Variants in OSBPL2 observed in about 807,000 individuals in gnomAD.
The protein encoded by OSBPL2 is oxysterol binding protein like 2, also known as oxysterol-binding protein-related protein 2.
OSBPL2 carries 18 observed loss-of-function variants against 58.4 expected under a neutral mutation model. The ratio of observed to expected loss-of-function variants is 0.31; its 90% CI spans 0.21 to 0.46. The LOEUF (loss-of-function observed/expected upper bound fraction) is 0.46, where lower values mean the gene tolerates loss of function less well. OSBPL2 is among the 20% of genes least tolerant of loss of function. The probability of loss-of-function intolerance (pLI) is 1.00; values close to 1 mark genes in which losing one functional copy is unlikely to be tolerated. For missense variants in OSBPL2, 461 were observed against 616.5 expected (o/e 0.75, Z 2.67); for synonymous variants, 221 against 234.1 (o/e 0.94, Z 0.51).
intron 6 of OSBPL2, among the ~76,000 whole-genome samples, chr20:62,276,833 T>A (rs553897519): frequency 1.3e-5 from 2 of 152,360 alleles, no homozygotes; most frequent in Admixed American, 6.5e-5. Context: ...TTTCTAGATA[T>A]TTCTCTTGAG....
chr20:62,257,468 C>T lies in OSBPL2; in HGVS notation c.37+1247C>T, dbSNP rs188895378. Among the ~76,000 whole-genome samples the T allele has an allele frequency of 8.6e-4, 131 of 152,320 alleles. 1 individual carries two copies. The highest frequency in any genetic ancestry group is 1.8e-3 in the Admixed American group (28 of 15,302). The stretch of plus-strand genomic sequence containing the variant: ...TGAATTATCTGCAGCGTGTTTGCCT[C>T]GGATGCACTCTCAGAGGAGGGTCCA... On this transcript the variant is annotated intron_variant, in intron 2 of 13. Transcript: ENST00000313733.
intron 5 of OSBPL2, among the ~76,000 whole-genome samples, chr20:62,272,900 AAAT>A (rs1982156493): frequency 6.6e-6 from 1 of 152,146 alleles, no homozygotes; most frequent in Non-Finnish European, 1.5e-5. Context: ...TGTGTCTAAA[AAAT>A]AACAAAATAC....
At position 62,283,720 on chromosome 20, in the gene OSBPL2, A is replaced by G. The variant is rs6121538; in HGVS notation, c.873-326A>G. Among the ~76,000 whole-genome samples, 57,774 of 151,936 alleles carry G rather than the reference A, an allele frequency of 0.38. 12,411 individuals are homozygous for G. Among genetic ancestry groups the G allele is most frequent in the East Asian group, 0.52 (2,699 of 5,152 alleles). On this transcript the variant is annotated intron_variant, in intron 9 of 13. Transcript: ENST00000313733. ...CCCGTCTCCTGCAGCCCCCTGGACC[A>G]ACCATCCTTTGGGTTTCCATCCCTT...
chr20:62,264,818 T>C (rs1981564171), intron 4 of OSBPL2: 1 of 152,246 alleles, frequency 6.6e-6, no homozygotes, highest in Non-Finnish European at 1.5e-5. Context: ...CTCATGGCAT[T>C]TGGGCTCCTC....
At chr20:62,261,314 T>TA (rs1322561044) in intron 3 of OSBPL2, among the ~76,000 whole-genome samples, 1 of 66,338 alleles carries the variant, frequency 1.5e-5, no homozygotes, top group Non-Finnish European at 3.1e-5. Flanking sequence ...AGACTCCATC[T>TA]CCAAAAAAAA....
intron 1 of OSBPL2, among the ~76,000 whole-genome samples, chr20:62,246,759 A>G (rs1035626130): frequency 3.3e-5 from 5 of 152,174 alleles, no homozygotes; most frequent in African/African-American, 1.2e-4. Flanking sequence ...GGCATCTCAC[A>G]CCAGGTTCTC....
At chr20:62,275,137 G>A (rs982180729) in intron 6 of OSBPL2, among the ~76,000 whole-genome samples, 5 of 152,186 alleles carry the variant, frequency 3.3e-5, no homozygotes, top group African/African-American at 4.8e-5. Flanking sequence ...GAGCCCAGGA[G>A]TTCAGTTACA....
intron 1 of OSBPL2, among the ~76,000 whole-genome samples, chr20:62,250,075 AG>A (rs1227738153): frequency 1.3e-5 from 2 of 152,224 alleles, no homozygotes; most frequent in Non-Finnish European, 2.9e-5. Flanking sequence ...TTGCCCAAGA[AG>A]GGCCCTCCTG....
chr20:62,291,370 G>A (rs757851761), intron 12 of OSBPL2: 11 of 381,514 alleles, frequency 2.9e-5, no homozygotes, highest in Admixed American at 1.1e-4. Flanking sequence ...CGTCCTGAGC[G>A]CCTGCTCGCA....
chr20:62,251,865 CTTTTTTTT>C (rs147891445), intron 1 of OSBPL2, among the ~76,000 whole-genome samples: 28 of 41,768 alleles, frequency 6.7e-4, no homozygotes, highest in African/African-American at 1.9e-3. Flanking sequence ...ATTGGTATGC[CTTTTTTTT>C]TTTTTTTTTT....
intron 1 of OSBPL2, 77 bp downstream of exon 1, chr20:62,238,674 T>TGGAGCC (rs1979492568): frequency 3.7e-5 from 1 of 26,896 alleles, no homozygotes; most frequent in Non-Finnish European, 7.3e-5. Flanking sequence ...GGGCTGGGGC[T>TGGAGCC]GGAGCCGGGG....
chr20:62,241,414 A>G (rs776745435), intron 1 of OSBPL2, among the ~76,000 whole-genome samples: 3 of 152,260 alleles, frequency 2.0e-5, no homozygotes, highest in African/African-American at 7.2e-5. Context: ...GTTTTAGTAC[A>G]TTCAGCCAAT....
At chr20:62,275,539 C>G (rs1982333400) in intron 6 of OSBPL2, among the ~76,000 whole-genome samples, 1 of 152,158 alleles carries the variant, frequency 6.6e-6, no homozygotes, top group Admixed American at 6.5e-5. Flanking sequence ...CCTCGACCTC[C>G]TGGGCTCAAG....
At chr20:62,266,195 C>T (rs1168291016) in intron 4 of OSBPL2, among the ~76,000 whole-genome samples, 1 of 152,114 alleles carries the variant, frequency 6.6e-6, no homozygotes, top group East Asian at 1.9e-4. Context: ...ATATTGCATT[C>T]CCTAGGTGAG....
chr20:62,284,251 T>C, intron 10 of OSBPL2, 82 bp downstream of exon 10: 1 of 1,568,554 alleles, frequency 6.4e-7, no homozygotes, highest in South Asian at 1.1e-5. Flanking sequence ...AGCTCACCTG[T>C]TGGGGTCCCA....
In OSBPL2 at chr20:62,284,140, A is replaced by G. The variant is rs2145970759; in HGVS notation, c.967A>G (p.Arg323Gly). The G allele has an allele frequency of 6.2e-7, 1 of 1,614,160 alleles. No individual in the cohort carries two copies. Among genetic ancestry groups the G allele is most frequent in the Non-Finnish European group, 8.5e-7 (1 of 1,180,018 alleles). The change falls in exon 10 of 14, where the codon AGA becomes GGA. Residue 323 changes from arginine to glycine, a missense_variant. Around this residue, in one of 5 missense-constraint regions of OSBPL2, gnomAD observed 319 missense variants for 419.2 expected, o/e 0.76. Transcript: ENST00000313733. ...SYESFKKQER[R>G]GDHLRKAKLD... ...TGAATCCTTCAAGAAGCAGGAGAGG[A>G]GAGGTGACCACCTGAGAAAGGCCAA... is the stretch of plus-strand genomic sequence containing the variant.
chr20:62,281,282 C>A, intron 8 of OSBPL2, 117 bp downstream of exon 8: 1 of 688,190 alleles, frequency 1.5e-6, no homozygotes, highest in South Asian at 1.7e-5. Flanking sequence ...GAGCTGCTGC[C>A]GTGTCCCCGC....
intron 1 of OSBPL2, among the ~76,000 whole-genome samples, chr20:62,247,812 C>T (rs537616558): frequency 6.6e-6 from 1 of 152,130 alleles, no homozygotes; most frequent in Admixed American, 6.5e-5. Flanking sequence ...CTACAGGCAC[C>T]TGCCACCATG....
Position 62,286,406 on chromosome 20 carries a change from C to T in OSBPL2, c.997-177C>T. The stretch of plus-strand genomic sequence containing the variant: ...CAGAGGTTGCAGTGACCCGAGATCG[C>T]ACCATTGCACTCCAGCCTGGGCAAC... On this transcript the variant is annotated intron_variant, in intron 10 of 13. Coordinates refer to ENST00000313733, the MANE Select transcript of OSBPL2 (RefSeq NM_144498.4). The T allele has an allele frequency of 4.7e-6, 3 of 642,460 alleles. No individual in the cohort carries two copies. In the South Asian group the frequency reaches 5.6e-5, roughly 12 times the overall value. The allele number at this position is 642,460 out of a possible 1,614,324, so 39.8% of individuals were successfully genotyped here.
Sources: gnomAD v4.1 joint callset for allele counts (sites outside exome capture counted in the v4.1 genomes callset) on GRCh38, gnomAD v4.1.1 for gene constraint, gnomAD v4.1.1 regional missense constraint, MANE v1.5 for transcripts, NCBI Gene and HGNC (gene_info 2026-07-23, HGNC 2026-07-21) for gene names.